The following FAM228B variants were observed in gnomAD, a reference collection of about 807,000 sequenced individuals.
FAM228B encodes protein FAM228B.
FAM228B carries 38 observed loss-of-function variants against 42.6 expected under a neutral mutation model. That is an observed-to-expected ratio of 0.89 (90% CI 0.69 to 1.17). The LOEUF is 1.17. Ranked by LOEUF, FAM228B falls within the 50% of genes most tolerant of loss-of-function variation. The probability of loss-of-function intolerance (pLI) is 0.00; values close to 1 mark genes in which losing one functional copy is unlikely to be tolerated. For missense variants in FAM228B, 344 were observed against 367.3 expected (o/e 0.94, Z 0.52); for synonymous variants, 109 against 122.3 (o/e 0.89, Z 0.72).
chr2:24,150,566 A>G (rs900050951), intron 7 of FAM228B, among the ~76,000 whole-genome samples: 2 of 152,046 alleles, frequency 1.3e-5, no homozygotes, highest in African/African-American at 4.8e-5. Flanking sequence ...CTGGGATTAC[A>G]GCTGTGCACC....
rs1337507026 is a variant in FAM228B at position 24,167,660 on chromosome 2, G to T, written c.966G>T (p.Leu322=). ...SPSPRLGLLK[L]EL ...CCCCGCGTTTGGGGCTGCTGAAGCTGGAGCTATAAGAAAGAAGAGGGAGGT... is the reference window on the plus strand; with the variant it reads ...CCCCGCGTTTGGGGCTGCTGAAGCTTGAGCTATAAGAAAGAAGAGGGAGGT... The change falls in exon 10 of 11, where the codon CTG becomes CTT. Residue 322 remains leucine, a synonymous_variant. Coordinates refer to ENST00000615575, the MANE Select transcript of FAM228B (RefSeq NM_001145710.2). 1.0e-5 allele frequency: 16 copies of T among 1,551,540 alleles called. No individual in the cohort carries two copies. The highest frequency in any genetic ancestry group is 2.0e-5 in the Admixed American group (1 of 50,974).
intron 4 of FAM228B, among the ~76,000 whole-genome samples, chr2:24,138,443 T>A (rs1435000024): frequency 6.6e-6 from 1 of 152,022 alleles, no homozygotes; most frequent in Non-Finnish European, 1.5e-5. Context: ...TTCAAGCAAT[T>A]CTCCTGCCTT....
At chr2:24,137,002 G>T (rs115420482) in intron 3 of FAM228B, among the ~76,000 whole-genome samples, 7 of 152,038 alleles carry the variant, frequency 4.6e-5, no homozygotes, top group Non-Finnish European at 1.0e-4. Context: ...CAGATAGTTC[G>T]TATATGTGGA....
intron 2 of FAM228B, among the ~76,000 whole-genome samples, chr2:24,086,234 CAAA>C (rs57641176): frequency 4.7e-5 from 3 of 63,936 alleles, no homozygotes; most frequent in Admixed American, 1.7e-4. Flanking sequence ...GACTCCGTCT[CAAA>C]AAAAAAAAAA....
chr2:24,078,426 GCTGA>G (rs1335657433), intron 1 of FAM228B, among the ~76,000 whole-genome samples: 2 of 151,024 alleles, frequency 1.3e-5, no homozygotes, highest in Admixed American at 6.6e-5. Context: ...TACCCAGGAG[GCTGA>G]TTGTGCCATT....
chr2:24,149,096 T>G (rs1231161656), intron 7 of FAM228B, among the ~76,000 whole-genome samples: 1 of 152,234 alleles, frequency 6.6e-6, no homozygotes, highest in African/African-American at 2.4e-5. Context: ...CCATTGCGTG[T>G]AAGTGCATTT....
At chr2:24,141,099 G>A (rs1387960650) in intron 5 of FAM228B, among the ~76,000 whole-genome samples, 10 of 148,122 alleles carry the variant, frequency 6.8e-5, no homozygotes, top group Admixed American at 1.3e-4. Context: ...TTTTTTTGAC[G>A]GAGTCTCACT....
chr2:24,102,475 C>T (rs972372868), intron 3 of FAM228B, among the ~76,000 whole-genome samples: 3 of 152,200 alleles, frequency 2.0e-5, no homozygotes, highest in Non-Finnish European at 4.4e-5. Flanking sequence ...TGGTGGCTCA[C>T]GCCTGTAATT....
intron 5 of FAM228B, among the ~76,000 whole-genome samples, chr2:24,143,891 T>G (rs1277190213): frequency 6.6e-6 from 1 of 151,616 alleles, no homozygotes; most frequent in Non-Finnish European, 1.5e-5. Flanking sequence ...CTTACGCCTG[T>G]AATCCCAGCT....
chr2:24,106,650 A>G (rs757914078), intron 3 of FAM228B, among the ~76,000 whole-genome samples: 2 of 152,050 alleles, frequency 1.3e-5, no homozygotes, highest in Admixed American at 6.6e-5. Context: ...AAAATTTCCA[A>G]CTAAGAATTT....
upstream of FAM228B, chr2:24,123,248 C>T (rs1018670666): frequency 1.3e-5 from 2 of 152,200 alleles, no homozygotes; most frequent in African/African-American, 2.4e-5. Flanking sequence ...CGGACGCCAC[C>T]CCGCTCTGTG....
At chr2:24,166,096 TAG>T (rs1667405645) in intron 9 of FAM228B, 4 of 146,756 alleles carry the variant, frequency 2.7e-5, no homozygotes, top group Admixed American at 1.4e-4. Context: ...TATATATAGA[TAG>T]ATAGATAGAT....
intron 5 of FAM228B, among the ~76,000 whole-genome samples, chr2:24,143,259 C>A (rs1034791865): frequency 2.0e-5 from 3 of 152,108 alleles, no homozygotes; most frequent in Non-Finnish European, 2.9e-5. Context: ...CGGCTCACTG[C>A]AACCTCCGCC....
intron 5 of FAM228B, among the ~76,000 whole-genome samples, chr2:24,143,896 C>T (rs2151022225): frequency 6.6e-6 from 1 of 151,796 alleles, no homozygotes; most frequent in South Asian, 2.1e-4. Flanking sequence ...GCCTGTAATC[C>T]CAGCTACTCG....
chr2:24,154,132 C>T (rs1233375986), intron 7 of FAM228B, among the ~76,000 whole-genome samples: 2 of 152,222 alleles, frequency 1.3e-5, no homozygotes, highest in East Asian at 3.9e-4. Flanking sequence ...CTCCTCATGC[C>T]TCTTTTAGTG....
At chr2:24,125,033 T>A (rs1453018931) in intron 2 of FAM228B, among the ~76,000 whole-genome samples, 2 of 152,200 alleles carry the variant, frequency 1.3e-5, no homozygotes, top group Non-Finnish European at 2.9e-5. Flanking sequence ...TAGTTTCTTT[T>A]TTCTAAACAG....
At chr2:24,086,659 C>T (rs1388452091) in intron 2 of FAM228B, among the ~76,000 whole-genome samples, 1 of 152,080 alleles carries the variant, frequency 6.6e-6, no homozygotes, top group Non-Finnish European at 1.5e-5. Flanking sequence ...AGCCACTGTG[C>T]CCAGCAAGTT....
chr2:24,079,324 A>T (rs1342730685), intron 1 of FAM228B: 1 of 1,030,438 alleles, frequency 9.7e-7, no homozygotes, highest in Non-Finnish European at 1.4e-6. Flanking sequence ...TCAGAGGGGG[A>T]GGTTTCTTCA....
At position 24,081,000 on chromosome 2, in the gene FAM228B, G is replaced by A; in HGVS notation, c.-210+45G>A. On this transcript the variant is annotated intron_variant, in intron 2 of 10. Transcript: ENST00000613899. This position sits in a 1 kb window ranked among gnomAD's most constrained non-coding sequence, Gnocchi z 4.7. ...TGCCCACACCACTCAGTCCTGCATGGATTAGCACATAGTCTCCAGCCTGAA... is the reference window on the plus strand; with the variant it reads ...TGCCCACACCACTCAGTCCTGCATGAATTAGCACATAGTCTCCAGCCTGAA... 1 of 1,614,084 alleles carries A rather than the reference G, an allele frequency of 6.2e-7. No homozygotes were observed. Among genetic ancestry groups the A allele is most frequent in the Non-Finnish European group, 8.5e-7 (1 of 1,179,990 alleles).
Sources: allele counts gnomAD v4.1 joint callset (sites outside exome capture counted in the v4.1 genomes callset), GRCh38; gene constraint gnomAD v4.1.1; non-coding constraint Gnocchi (gnomAD v3.1); transcripts MANE v1.5; gene names NCBI Gene and HGNC (gene_info 2026-07-23, HGNC 2026-07-21).